Variants in MICAL3 observed in about 807,000 individuals in gnomAD.
MICAL3 encodes [F-actin]-monooxygenase MICAL3.
A neutral mutation model predicts 207.4 loss-of-function variants in MICAL3; 62 were observed. The observed-to-expected ratio is 0.30, with a 90% CI of 0.24 to 0.37. The LOEUF is 0.37. Ranked by LOEUF, MICAL3 falls within the 10% of genes least tolerant of loss-of-function variation. The pLI is 1.00. For missense variants in MICAL3, 2,368 were observed against 2,635.6 expected, an observed-to-expected ratio of 0.90 and a Z score of 2.22; for synonymous variants, 1,077 against 1,069.3, an observed-to-expected ratio of 1.01 and a Z score of -0.14.
At chr22:17,996,980 C>A (rs957214231) in intron 1 of MICAL3, among the ~76,000 whole-genome samples, 4 of 151,602 alleles carry the variant, frequency 2.6e-5, no homozygotes, top group African/African-American at 9.7e-5. Context: ...CAGAGTATCA[C>A]TCATTTCCTC....
intron 1 of MICAL3, among the ~76,000 whole-genome samples, chr22:17,913,117 G>C (rs1273932308): frequency 2.0e-5 from 3 of 152,106 alleles, no homozygotes; most frequent in Non-Finnish European, 2.9e-5. Context: ...CACTCAGCAG[G>C]ATGGAGAGGA....
At chr22:17,832,673 T>C (rs139264662) in intron 20 of MICAL3, among the ~76,000 whole-genome samples, 1 of 152,236 alleles carries the variant, frequency 6.6e-6, no homozygotes, top group Non-Finnish European at 1.5e-5. Context: ...GCCCACTGTC[T>C]AGTTAGAGGA....
At position 17,999,136 on chromosome 22, in the gene MICAL3, C is replaced by T. The variant is rs182283056; in HGVS notation, c.-75+25145G>A. 1.6e-4 allele frequency among the ~76,000 whole-genome samples: 25 copies of T among 152,248 alleles called. No homozygotes were observed. The East Asian group carries it at 4.6e-3, about 28-fold the overall frequency. On this transcript the variant is annotated intron_variant, in intron 1 of 31. Coordinates refer to ENST00000441493, the MANE Select transcript of MICAL3 (RefSeq NM_015241.3). Reference sequence around the variant, plus strand: ...AAATTAGGTAATTCATCTGGTTCCACCTGGACATGTGAAACCAACGACAAC... The same window carrying T: ...AAATTAGGTAATTCATCTGGTTCCATCTGGACATGTGAAACCAACGACAAC...
chr22:17,972,120 C>CA (rs1437939379), intron 1 of MICAL3, among the ~76,000 whole-genome samples: 3 of 152,336 alleles, frequency 2.0e-5, no homozygotes, highest in Middle Eastern at 3.4e-3. Context: ...TTCAGCAAAT[C>CA]AGTTACAAAC....
chr22:17,936,968 C>T lies in MICAL3; in HGVS notation c.-74-30082G>A, dbSNP rs112934527. Among the ~76,000 whole-genome samples, 661 of 152,262 alleles carry T rather than the reference C, an allele frequency of 4.3e-3. 2 individuals are homozygous for T. The highest frequency in any genetic ancestry group is 0.015 in the African/African-American group (623 of 41,554). ...GCAAGAGCACAGTGATGACTACGCA[C>T]GTGTCCCCAACCCCACTACGTATGT... On this transcript the variant is annotated intron_variant, in intron 1 of 31. Transcript: ENST00000441493.
At position 17,906,594 on chromosome 22, in the gene MICAL3, G is replaced by A. The variant is rs756063503; in HGVS notation, c.219C>T (p.Gly73=). Reference sequence around the variant, plus strand: ...TTCCCTTTTTGTAGTCTTTGTGACTGCCCCGTTTGTCCAATTTTGCCCAGA... The same window carrying A: ...TTCCCTTTTTGTAGTCTTTGTGACTACCCCGTTTGTCCAATTTTGCCCAGA... ...KALWAKLDKR[G]SHKDYKKGKA... Residue 73 remains glycine, a synonymous_variant, in exon 2 of 32, where the codon GGC becomes GGT. Coordinates refer to ENST00000441493, the MANE Select transcript of MICAL3 (RefSeq NM_015241.3). The A allele has an allele frequency of 6.2e-7, 1 of 1,613,392 alleles. No homozygotes were observed. The highest frequency in any genetic ancestry group is 1.3e-5 in the African/African-American group (1 of 74,900).
chr22:17,947,122 G>A (rs1427751931), intron 1 of MICAL3, among the ~76,000 whole-genome samples: 2 of 152,168 alleles, frequency 1.3e-5, no homozygotes, highest in African/African-American at 2.4e-5. Flanking sequence ...GATCAGAGCC[G>A]GGCTGCAAGG....
chr22:17,908,329 A>G (rs181430740), intron 1 of MICAL3, among the ~76,000 whole-genome samples: 1 of 151,800 alleles, frequency 6.6e-6, no homozygotes, highest in East Asian at 1.9e-4. Flanking sequence ...TTTTTTTGAG[A>G]TGGAGTCTCG....
chr22:17,906,907 C>T (rs1489086113), intron 1 of MICAL3, 21 bp from the exon 2 acceptor site: 20 of 1,259,416 alleles, frequency 1.6e-5, no homozygotes, highest in South Asian at 3.0e-5. Context: ...GAAAGAAAAA[C>T]GTGGTTAGCA....
At chr22:17,853,268 A>G (rs1925526579) in intron 19 of MICAL3, among the ~76,000 whole-genome samples, 1 of 152,182 alleles carries the variant, frequency 6.6e-6, no homozygotes, top group Admixed American at 6.5e-5. Flanking sequence ...CGTGCTTCAC[A>G]ACAGCTGGCA....
chr22:17,943,275 G>A (rs1249640880), intron 1 of MICAL3, among the ~76,000 whole-genome samples: 2 of 152,154 alleles, frequency 1.3e-5, no homozygotes, highest in Non-Finnish European at 2.9e-5. Flanking sequence ...CAATTCTCCT[G>A]ACTCCGCCTC....
chr22:17,866,074 C>T (rs1352840884), intron 17 of MICAL3, 62 bp from the exon 18 acceptor site: 1 of 1,271,700 alleles, frequency 7.9e-7, no homozygotes, highest in Non-Finnish European at 1.1e-6. Flanking sequence ...GAACGTGCCT[C>T]CCTGGTCTCA....
chr22:17,926,274 CCAA>C (rs1360799732), intron 1 of MICAL3, among the ~76,000 whole-genome samples: 1 of 152,208 alleles, frequency 6.6e-6, no homozygotes, highest in East Asian at 1.9e-4. Flanking sequence ...CTGTGCCCTC[CCAA>C]CAACAGCCTG....
chr22:18,016,679 G>A (rs961429049), intron 1 of MICAL3, among the ~76,000 whole-genome samples: 3 of 152,158 alleles, frequency 2.0e-5, no homozygotes, highest in African/African-American at 7.2e-5. Context: ...GGTGGCTCAC[G>A]CCTGTAATCC....
intron 1 of MICAL3, among the ~76,000 whole-genome samples, chr22:17,980,388 T>A (rs1171661797): frequency 6.6e-6 from 1 of 152,136 alleles, no homozygotes; most frequent in East Asian, 1.9e-4. Context: ...CAATCAGAAT[T>A]AACGGCCTCC....
chr22:17,830,109 C>A (rs1006430286), intron 21 of MICAL3, among the ~76,000 whole-genome samples: 3 of 152,110 alleles, frequency 2.0e-5, no homozygotes, highest in Non-Finnish European at 2.9e-5. Flanking sequence ...AGGTACCTGG[C>A]GCCACTGGCC....
At chr22:17,994,411 TC>T (rs1922049812) in intron 1 of MICAL3, among the ~76,000 whole-genome samples, 1 of 152,138 alleles carries the variant, frequency 6.6e-6, no homozygotes. Flanking sequence ...CCATGCTACC[TC>T]CAGACTTCAA....
intron 1 of MICAL3, among the ~76,000 whole-genome samples, chr22:17,963,047 T>C (rs1934984815): frequency 6.6e-6 from 1 of 152,142 alleles, no homozygotes; most frequent in Non-Finnish European, 1.5e-5. Context: ...CCACCACACC[T>C]AGCCAGCGAG....
chr22:17,863,710 C>T, intron 19 of MICAL3: 1 of 985,418 alleles, frequency 1.0e-6, no homozygotes, highest in Non-Finnish European at 1.2e-6. Context: ...CCTCTGGGCG[C>T]ATCTTCCCTC....
Sources: allele counts gnomAD v4.1 joint callset (sites outside exome capture counted in the v4.1 genomes callset), GRCh38; gene constraint gnomAD v4.1.1; transcripts MANE v1.5; gene names NCBI Gene and HGNC (gene_info 2026-07-23, HGNC 2026-07-21).